The following PPP2R5E variants were observed in gnomAD, a reference collection of about 807,000 sequenced individuals.
PPP2R5E encodes the protein serine/threonine-protein phosphatase 2A 56 kDa regulatory subunit epsilon isoform.
PPP2R5E carries 4 observed loss-of-function variants against 65.3 expected under a neutral mutation model. That is an observed-to-expected ratio of 0.06 (90% CI 0.03 to 0.14). PPP2R5E has a LOEUF of 0.14. PPP2R5E is among the 10% of genes least tolerant of loss of function. The probability of loss-of-function intolerance (pLI) is 1.00; values close to 1 mark genes in which losing one functional copy is unlikely to be tolerated. For synonymous variants in PPP2R5E, 183 were observed against 187.4 expected (o/e 0.98, Z 0.19); for missense variants, 274 against 556.1 (o/e 0.49, Z 5.10).
At chr14:63,434,222 A>C (rs1430616823) in intron 3 of PPP2R5E, among the ~76,000 whole-genome samples, 1 of 152,214 alleles carries the variant, frequency 6.6e-6, no homozygotes, top group Non-Finnish European at 1.5e-5. Context: ...TTAGTGGGGA[A>C]GAGTCCAGTA....
chr14:63,462,756 T>A (rs1889553537), intron 2 of PPP2R5E, among the ~76,000 whole-genome samples: 1 of 152,112 alleles, frequency 6.6e-6, no homozygotes. Context: ...TAAAATAAAT[T>A]ATTTCCTAGT....
intron 2 of PPP2R5E, among the ~76,000 whole-genome samples, chr14:63,534,834 G>A (rs1893600998): frequency 6.6e-6 from 1 of 152,076 alleles, no homozygotes; most frequent in African/African-American, 2.4e-5. Context: ...TGCGTAGGCT[G>A]GTCTCAAACT....
intron 13 of PPP2R5E, among the ~76,000 whole-genome samples, chr14:63,377,615 T>G (rs1032391873): frequency 6.6e-6 from 1 of 152,228 alleles, no homozygotes; most frequent in African/African-American, 2.4e-5. Flanking sequence ...AATAAATGTT[T>G]ATGGCTTAGT....
intron 3 of PPP2R5E, among the ~76,000 whole-genome samples, chr14:63,429,264 C>T (rs998731539): frequency 6.6e-6 from 1 of 152,098 alleles, no homozygotes; most frequent in Non-Finnish European, 1.5e-5. Flanking sequence ...AGATATTTTC[C>T]CCCTTTCATC....
intron 4 of PPP2R5E, among the ~76,000 whole-genome samples, chr14:63,419,591 A>G (rs1321027688): frequency 6.6e-6 from 1 of 151,442 alleles, no homozygotes; most frequent in Non-Finnish European, 1.5e-5. Flanking sequence ...CAAAGGAAAC[A>G]CAGGATTCTT....
intron 2 of PPP2R5E, among the ~76,000 whole-genome samples, chr14:63,520,876 A>C (rs978957509): frequency 1.6e-5 from 2 of 122,902 alleles, no homozygotes; most frequent in Non-Finnish European, 3.4e-5. Flanking sequence ...AAAAAAAAAA[A>C]AAAAAAAAAA....
At chr14:63,425,452 A>G (rs764828026) in intron 3 of PPP2R5E, among the ~76,000 whole-genome samples, 1 of 152,220 alleles carries the variant, frequency 6.6e-6, no homozygotes, top group Non-Finnish European at 1.5e-5. Flanking sequence ...TATACGTACT[A>G]CACTTTTTAA....
intron 4 of PPP2R5E, 109 bp downstream of exon 4, chr14:63,421,884 G>A: frequency 1.3e-6 from 1 of 781,120 alleles, no homozygotes; most frequent in South Asian, 1.7e-5. Flanking sequence ...TTCCATTAGT[G>A]TACTCTAATT....
At chr14:63,488,961 A>C (rs376487324) in intron 2 of PPP2R5E, among the ~76,000 whole-genome samples, 11 of 152,004 alleles carry the variant, frequency 7.2e-5, no homozygotes, top group African/African-American at 2.7e-4. Flanking sequence ...CATGACCAAA[A>C]AGACCTAAAG....
At chr14:63,393,372 C>A (rs1357764041) in intron 8 of PPP2R5E, among the ~76,000 whole-genome samples, 1 of 152,072 alleles carries the variant, frequency 6.6e-6, no homozygotes. Context: ...ATTTTTATTT[C>A]CCTCGGGGAG....
At position 63,375,922 on chromosome 14, in the gene PPP2R5E, T is replaced by C. The variant is rs751721196; in HGVS notation, c.*87A>G. On this transcript the variant is annotated 3_prime_UTR_variant, in exon 14 of 14. Transcript: ENST00000337537. ...AACAAAGGTGAAATCTACTGTAAAG[T>C]TGCACAATACAGAAAACTGTTGCTC... 1.6e-5 allele frequency: 15 copies of C among 911,458 alleles called. No homozygotes were observed. Among genetic ancestry groups the C allele is most frequent in the East Asian group, 1.5e-4 (6 of 40,994 alleles). 56.5% of individuals were successfully genotyped at this position (911,458 alleles called of 1,614,324 possible).
chr14:63,464,109 A>T (rs1231433005), intron 2 of PPP2R5E, among the ~76,000 whole-genome samples: 1 of 152,118 alleles, frequency 6.6e-6, no homozygotes, highest in Non-Finnish European at 1.5e-5. Context: ...CTATTCATTC[A>T]CTCACTCTAT....
At chr14:63,432,413 G>A (rs998236394) in intron 3 of PPP2R5E, among the ~76,000 whole-genome samples, 34 of 152,108 alleles carry the variant, frequency 2.2e-4, no homozygotes, top group African/African-American at 6.8e-4. Flanking sequence ...CTAGAAGATC[G>A]GAGCACTGCC....
chr14:63,428,171 C>T lies in PPP2R5E; in HGVS notation c.355-6077G>A, dbSNP rs546500628. ...GCCGGTTCAGACCTCCAGCAGCAAACATCTTGATTACTGCACAGTTTCCTT... is the reference window on the plus strand; with the variant it reads ...GCCGGTTCAGACCTCCAGCAGCAAATATCTTGATTACTGCACAGTTTCCTT... On this transcript the variant is annotated intron_variant, in intron 3 of 13. Transcript: ENST00000337537. Among the ~76,000 whole-genome samples the T allele has an allele frequency of 3.3e-5, 5 of 152,326 alleles. No individual in the cohort carries two copies. In the South Asian group the frequency reaches 1.0e-3, roughly 32 times the overall value.
intron 2 of PPP2R5E, among the ~76,000 whole-genome samples, chr14:63,506,582 A>G (rs1566750761): frequency 6.6e-6 from 1 of 152,230 alleles, no homozygotes. Flanking sequence ...CAACATCATC[A>G]GCCATCCAGG....
At chr14:63,394,952 C>T (rs1468809573) in intron 7 of PPP2R5E, among the ~76,000 whole-genome samples, 1 of 152,216 alleles carries the variant, frequency 6.6e-6, no homozygotes, top group East Asian at 1.9e-4. Context: ...AGTAACTAGC[C>T]TGACCACAAT....
At chr14:63,484,345 T>TCACACACACA (rs1239784741) in intron 2 of PPP2R5E, among the ~76,000 whole-genome samples, 25 of 124,344 alleles carry the variant, frequency 2.0e-4, no homozygotes, top group African/African-American at 7.2e-4. Context: ...TCTCTCTCTC[T>TCACACACACA]CTCACACACA....
intron 2 of PPP2R5E, among the ~76,000 whole-genome samples, chr14:63,474,951 A>G (rs1890334442): frequency 1.3e-5 from 2 of 152,128 alleles, no homozygotes; most frequent in South Asian, 4.1e-4. Flanking sequence ...GGCAAAAGGA[A>G]AACCTGAGCA....
intron 2 of PPP2R5E, among the ~76,000 whole-genome samples, chr14:63,461,426 T>C (rs1250566500): frequency 2.0e-5 from 3 of 151,914 alleles, no homozygotes; most frequent in Non-Finnish European, 4.4e-5. Flanking sequence ...TATAATTTCA[T>C]AAAAATAAAG....
Sources: gnomAD v4.1 joint callset for allele counts (sites outside exome capture counted in the v4.1 genomes callset) on GRCh38, gnomAD v4.1.1 for gene constraint, MANE v1.5 for transcripts, NCBI Gene and HGNC (gene_info 2026-07-23, HGNC 2026-07-21) for gene names.